Variants in ZNF687 observed in about 807,000 individuals in gnomAD.
The protein encoded by ZNF687 is zinc finger protein 687.
A neutral mutation model predicts 71.8 loss-of-function variants in ZNF687; 13 were observed. The observed-to-expected ratio is 0.18, with a 90% CI of 0.12 to 0.29. The LOEUF (loss-of-function observed/expected upper bound fraction) is 0.29. ZNF687 is among the 10% of genes least tolerant of loss of function. The pLI is 1.00. For missense variants in ZNF687, 1,412 were observed against 1,625.6 expected, an observed-to-expected ratio of 0.87 and a Z score of 2.26; for synonymous variants, 673 against 641.6, an observed-to-expected ratio of 1.05 and a Z score of -0.74.
rs1693985039 is a variant in ZNF687, at chr1:151,287,133, G to C, written c.842G>C (p.Cys281Ser). Residue 281 changes from cysteine to serine, a missense_variant, in exon 2 of 9, where the codon TGT becomes TCT. Physicochemically the swap from Cys to Ser is moderately radical, Grantham distance 112. Around this residue, in one of 8 missense-constraint regions of ZNF687, gnomAD observed 490 missense variants for 489.9 expected, o/e 1.00. Transcript: ENST00000336715. This position sits in a 1 kb window ranked among gnomAD's most constrained non-coding sequence, Gnocchi z 5.0. ...SPLASPKVPV[C>S]QPLKEEDDDE... Reference sequence around the variant, plus strand: ...CTTGCCTCCCCCAAAGTGCCCGTCTGTCAGCCCTTGAAGGAAGAAGATGAT... The same window carrying C: ...CTTGCCTCCCCCAAAGTGCCCGTCTCTCAGCCCTTGAAGGAAGAAGATGAT... The C allele has an allele frequency of 6.2e-7, 1 of 1,614,034 alleles. No homozygotes were observed. Among genetic ancestry groups the C allele is most frequent in the African/African-American group, 1.3e-5 (1 of 74,916 alleles).
At chr1:151,282,288 C>A (rs1693742081), upstream of ZNF687, 1 of 1,002,044 alleles carries the variant, frequency 1.0e-6, no homozygotes, top group Non-Finnish European at 1.2e-6. Flanking sequence ...GAGGCCGAAC[C>A]GGAGAGAAGC....
rs199980156 is a variant in ZNF687 at position 151,287,968 on chromosome 1, C to T, written c.1677C>T (p.Ile559=). The T allele has an allele frequency of 2.4e-5, 38 of 1,613,756 alleles. No homozygotes were observed. Among genetic ancestry groups the T allele is most frequent in the Admixed American group, 3.3e-5 (2 of 60,000 alleles). ...ARHYDRRSMR[I]EVTCNHCARR... is the part of the protein sequence containing the mutation. ...ACTATGACCGTCGGAGCATGCGCAT[C>T]GAGGTCACCTGCAACCACTGCGCCC... Residue 559 remains isoleucine (I), a synonymous_variant, in exon 2 of 9, where the codon ATC becomes ATT. Transcript: ENST00000336715. The surrounding 1 kb of genome is among the most constrained non-coding windows in gnomAD (Gnocchi z 5.0).
rs1694011766 is a variant in ZNF687, at chr1:151,287,667, G to T, written c.1376G>T (p.Gly459Val). 2 of 1,613,510 alleles carry T rather than the reference G, an allele frequency of 1.2e-6. No homozygotes were observed. The highest frequency in any genetic ancestry group is 2.7e-5 in the African/African-American group (2 of 75,028). The part of the protein sequence containing the change: ...LPKADGRAGL[G>V]TGGQKVNGAS... ...AAGGCTGACGGGCGGGCAGGGCTGGGGACTGGGGGACAGAAGGTGAATGGT... is the reference window on the plus strand; with the variant it reads ...AAGGCTGACGGGCGGGCAGGGCTGGTGACTGGGGGACAGAAGGTGAATGGT... Residue 459 changes from glycine (G) to valine (V), a missense_variant, in exon 2 of 9, where the codon GGG becomes GTG. Physicochemically the swap from Gly to Val is moderately radical, Grantham distance 109. Transcript: ENST00000336715. This position sits in a 1 kb window ranked among gnomAD's most constrained non-coding sequence, Gnocchi z 5.0.
chr1:151,281,811 T>C (rs1213492525), upstream of ZNF687: 3 of 367,830 alleles, frequency 8.2e-6, no homozygotes, highest in African/African-American at 6.4e-5. Context: ...GGACCTACAC[T>C]TCTGTGCTCC....
chr1:151,286,863 C>T lies in ZNF687; in HGVS notation c.572C>T (p.Thr191Ile). 6.2e-7 allele frequency: 1 copy of T among 1,613,414 alleles called. No homozygotes were observed. The highest frequency in any genetic ancestry group is 8.5e-7 in the Non-Finnish European group (1 of 1,179,486). ...TCTCCCACTCGGGAGGGGGCTCTGA[C>T]CCCGCCTCCTTTCCCCTCTTCCTTT... Reference protein sequence around the residue: ...APSPTREGALTPPPFPSSFEL... With the variant: ...APSPTREGALIPPPFPSSFEL... The change falls in exon 2 of 9, where the codon ACC becomes ATC. Residue 191 changes from threonine to isoleucine, a missense_variant. Thr to Ile is a moderately conservative substitution (Grantham distance 89). Around this residue, in one of 8 missense-constraint regions of ZNF687, gnomAD observed 490 missense variants for 489.9 expected, o/e 1.00. Transcript: ENST00000336715.
rs587679932 is a variant in ZNF687 at position 151,286,896 on chromosome 1, C to T, written c.605C>T (p.Ala202Val). ...PPPFPSSFEL[A>V]QENGPGMQPP... ...CCTTTCCCCTCTTCCTTTGAGCTGG[C>T]CCAGGAGAATGGCCCAGGCATGCAG... is the stretch of plus-strand genomic sequence containing the variant. Residue 202 changes from alanine to valine, a missense_variant, in exon 2 of 9, where the codon GCC becomes GTC. Coordinates refer to ENST00000336715, the MANE Select transcript of ZNF687 (RefSeq NM_020832.3). The T allele has an allele frequency of 1.7e-5, 28 of 1,613,244 alleles. No individual in the cohort carries two copies. The East Asian group carries it at 6.0e-4, about 35-fold the overall frequency.
rs752056836 is a variant in ZNF687, at chr1:151,290,139, C to G, written c.2982C>G (p.Pro994=). The part of the protein sequence containing the change: ...KEHGKSVKKF[P]CRLCERSFCS... ...TCTCCTAGTCAGTGAAAAAGTTCCCCTGTCGCCTGTGTGAGCGCTCCTTCT... is the reference window on the plus strand; with the variant it reads ...TCTCCTAGTCAGTGAAAAAGTTCCCGTGTCGCCTGTGTGAGCGCTCCTTCT... The change falls in exon 7 of 9, where the codon CCC becomes CCG. Residue 994 remains proline (P), a synonymous_variant. Transcript: ENST00000336715. 6.2e-7 allele frequency: 1 copy of G among 1,614,038 alleles called. No homozygotes were observed.
At position 151,287,794 on chromosome 1, in the gene ZNF687, C is replaced by T; in HGVS notation, c.1503C>T (p.Phe501=). Residue 501 remains phenylalanine, a synonymous_variant, in exon 2 of 9, where the codon TTC becomes TTT. Transcript: ENST00000336715. This position sits in a 1 kb window ranked among gnomAD's most constrained non-coding sequence, Gnocchi z 5.0. ...CCCAGTCCAGCCTGGTGGAGGCCTT[C>T]AACAAGATCCTCAACAGCAAGAACC... ...SRTQSSLVEA[F]NKILNSKNLL... 1 of 1,614,050 alleles carries T rather than the reference C, an allele frequency of 6.2e-7. No homozygotes were observed. The highest frequency in any genetic ancestry group is 8.5e-7 in the Non-Finnish European group (1 of 1,180,018).
At position 151,286,531 on chromosome 1, in the gene ZNF687, T is replaced by A; in HGVS notation, c.240T>A (p.Ser80=). ...SDHGLPPPDI[S]VVSVIVKNTV... is the part of the protein sequence containing the mutation. Reference sequence around the variant, plus strand: ...ATGGCCTGCCACCGCCAGACATTTCTGTAGTCAGTGTCATTGTCAAGAACA... The same window carrying A: ...ATGGCCTGCCACCGCCAGACATTTCAGTAGTCAGTGTCATTGTCAAGAACA... Residue 80 remains serine, a synonymous_variant, in exon 2 of 9, where the codon TCT becomes TCA. Coordinates refer to ENST00000336715, the MANE Select transcript of ZNF687 (RefSeq NM_020832.3). 6.2e-7 allele frequency: 1 copy of A among 1,614,178 alleles called. No homozygotes were observed. Among genetic ancestry groups the A allele is most frequent in the Non-Finnish European group, 8.5e-7 (1 of 1,180,032 alleles).
Position 151,290,935 on chromosome 1 carries a change from C to T in ZNF687, c.3440C>T (p.Pro1147Leu), listed in dbSNP as rs758462939. Residue 1147 changes from proline (P) to leucine (L), a missense_variant, in exon 9 of 9, where the codon CCT (proline) becomes CTT (leucine). Coordinates refer to ENST00000336715, the MANE Select transcript of ZNF687 (RefSeq NM_020832.3). ...GACTGTGGCTTGTGCTTTGCCTCCC[C>T]TGGCTCCCTGAGCCGACACCGTTTC... The part of the protein sequence containing the change: ...CLDCGLCFAS[P>L]GSLSRHRFIS... 1 of 1,613,846 alleles carries T rather than the reference C, an allele frequency of 6.2e-7. No individual in the cohort carries two copies. Among genetic ancestry groups the T allele is most frequent in the Admixed American group, 1.7e-5 (1 of 60,014 alleles).
At position 151,291,661 on chromosome 1, in the gene ZNF687, C is replaced by G. The variant is rs1255283729; in HGVS notation, c.*452C>G. 1 of 154,390 alleles carries G rather than the reference C, an allele frequency of 6.5e-6. No individual in the cohort carries two copies. The highest frequency in any genetic ancestry group is 1.4e-5 in the Non-Finnish European group (1 of 69,720). 9.6% of individuals were successfully genotyped at this position (154,390 alleles called of 1,614,324 possible). A position where few individuals can be genotyped will look rare whatever the true frequency, so the allele number is the denominator to read the frequency against. On this transcript the variant is annotated 3_prime_UTR_variant, in exon 9 of 9. Transcript: ENST00000336715. Reference sequence around the variant, plus strand: ...GCCCACCCCCGCCCCCGCCCCCGCCCAACCCCAACTCACTGGCACTCAAGC... The same window carrying G: ...GCCCACCCCCGCCCCCGCCCCCGCCGAACCCCAACTCACTGGCACTCAAGC...
In ZNF687 at chr1:151,289,553, A is replaced by G; in HGVS notation, c.2634+13A>G. The stretch of plus-strand genomic sequence containing the variant: ...GGAACATCTCAAGGTACAGGAGCAG[A>G]GGGATGGGGAATGGGTGCTTAGCTG... On this transcript the variant is annotated intron_variant, in intron 5 of 8. Coordinates refer to ENST00000336715, the MANE Select transcript of ZNF687 (RefSeq NM_020832.3). The G allele has an allele frequency of 6.2e-7, 1 of 1,614,038 alleles. No individual in the cohort carries two copies. The highest frequency in any genetic ancestry group is 2.2e-5 in the East Asian group (1 of 44,884).
At position 151,289,462 on chromosome 1, in the gene ZNF687, C is replaced by A. The variant is rs374839503; in HGVS notation, c.2556C>A (p.Pro852=). The A allele has an allele frequency of 6.0e-5, 97 of 1,614,060 alleles. No individual in the cohort carries two copies. The highest frequency in any genetic ancestry group is 4.9e-4 in the Middle Eastern group (3 of 6,084). Reference sequence around the variant, plus strand: ...CACACTTCGACCAGCACTTGCTGCCCCAGCGTGTCAGTGTCTTTAAGTGCC... The same window carrying A: ...CACACTTCGACCAGCACTTGCTGCCACAGCGTGTCAGTGTCTTTAAGTGCC... ...LSSHFDQHLL[P]QRVSVFKCPS... Residue 852 remains proline (P), a synonymous_variant, in exon 5 of 9, where the codon CCC becomes CCA. Coordinates refer to ENST00000336715, the MANE Select transcript of ZNF687 (RefSeq NM_020832.3).
chr1:151,289,261 C>G lies in ZNF687; in HGVS notation c.2461C>G (p.Gln821Glu), dbSNP rs752980231. ...LYSQHPSFQT[Q>E]QAKLIYKCAM... ...CTCCCAGCATCCCAGCTTCCAAACT[C>G]AGCAGGCCAAGTGAGGCCCGGGGGA... The change falls in exon 4 of 9, where the codon CAG becomes GAG. Residue 821 changes from glutamine (Q) to glutamate (E), a missense_variant. Physicochemically the swap from Gln to Glu is conservative, Grantham distance 29. Around this residue, in one of 8 missense-constraint regions of ZNF687, gnomAD observed 106 missense variants for 146.0 expected, o/e 0.73. Transcript: ENST00000336715. The G allele has an allele frequency of 6.2e-7, 1 of 1,613,824 alleles. No individual in the cohort carries two copies. The highest frequency in any genetic ancestry group is 1.1e-5 in the South Asian group (1 of 91,084).
intron 1 of ZNF687, 69 bp from the exon 2 acceptor site, chr1:151,286,206 T>C: frequency 7.5e-7 from 1 of 1,325,370 alleles, no homozygotes; most frequent in Non-Finnish European, 1.0e-6. Context: ...ATGGAGATGC[T>C]GAGGGAAGAG....
chr1:151,282,350 C>G lies in ZNF687; in HGVS notation c.-63C>G. On this transcript the variant is annotated 5_prime_UTR_variant, in exon 1 of 9. Transcript: ENST00000336715. ...GCGGCGGTGGCTGCAGCGGCTGGAG[C>G]GGGGTAGAGACCGCCGGGTCTCGGC... 1.0e-6 allele frequency: 1 copy of G among 998,594 alleles called. No homozygotes were observed. The highest frequency in any genetic ancestry group is 4.0e-5 in the South Asian group (1 of 25,298). The allele number at this position is 998,594 out of a possible 1,614,324, so 61.9% of individuals were successfully genotyped here.
chr1:151,281,913 G>A, upstream of ZNF687: 1 of 817,268 alleles, frequency 1.2e-6, no homozygotes, highest in Non-Finnish European at 1.7e-6. Flanking sequence ...TTCAAGCTTC[G>A]AGCGGCCAGT....
intron 1 of ZNF687, among the ~76,000 whole-genome samples, chr1:151,282,817 C>T (rs976578928): frequency 6.6e-6 from 1 of 152,046 alleles, no homozygotes. Context: ...AAGACTCAGG[C>T]TTGCGCCCCC....
At position 151,290,886 on chromosome 1, in the gene ZNF687, G is replaced by A; in HGVS notation, c.3391G>A (p.Glu1131Lys). Residue 1131 changes from glutamate (E) to lysine (K), a missense_variant, in exon 9 of 9, where the codon GAG (glutamate) becomes AAG (lysine). Physicochemically the swap from Glu to Lys is moderately conservative, Grantham distance 56. Around this residue, in one of 8 missense-constraint regions of ZNF687, gnomAD observed 284 missense variants for 359.2 expected, o/e 0.79. Transcript: ENST00000336715. Reference sequence around the variant, plus strand: ...GAGCCTCATGATGGGGTTGAGGGTGGAGGATGGTGCCCAGCAGTGCCTCGA... The same window carrying A: ...GAGCCTCATGATGGGGTTGAGGGTGAAGGATGGTGCCCAGCAGTGCCTCGA... The part of the protein sequence containing the change: ...EQSLMMGLRV[E>K]DGAQQCLDCG... The A allele has an allele frequency of 6.2e-7, 1 of 1,614,104 alleles. No homozygotes were observed. The highest frequency in any genetic ancestry group is 8.5e-7 in the Non-Finnish European group (1 of 1,180,028).
Sources: gnomAD v4.1 joint callset for allele counts (sites outside exome capture counted in the v4.1 genomes callset) on GRCh38, gnomAD v4.1.1 for gene constraint, gnomAD v4.1.1 regional missense constraint, Gnocchi (gnomAD v3.1) non-coding constraint, MANE v1.5 for transcripts, NCBI Gene and HGNC (gene_info 2026-07-23, HGNC 2026-07-21) for gene names.